CEP128: variants seen among roughly 807,000 people sequenced by gnomAD.
CEP128 encodes the protein centrosomal protein 128kDa.
In CEP128, 132 loss-of-function variants were observed where a neutral mutation model predicts 156.7. That is an observed-to-expected ratio of 0.84 (90% CI 0.73 to 0.97). The LOEUF (loss-of-function observed/expected upper bound fraction) is 0.97, where lower values mean the gene tolerates loss of function less well. CEP128 is among the 50% of genes least tolerant of loss of function. The pLI, the probability that CEP128 is intolerant of heterozygous loss-of-function variation, is 0.00. For missense variants in CEP128, 1,252 were observed against 1,281.9 expected, an observed-to-expected ratio of 0.98 and a Z score of 0.36; for synonymous variants, 469 against 448.9, an observed-to-expected ratio of 1.04 and a Z score of -0.57.
chr14:80,955,487 A>G, intron 2 of CEP128: 1 of 664,744 alleles, frequency 1.5e-6, no homozygotes, highest in Non-Finnish European at 2.6e-6. Flanking sequence ...TGCCTAGGGA[A>G]GCGGAGCACT....
intron 6 of CEP128, among the ~76,000 whole-genome samples, chr14:80,904,273 T>C (rs1325833101): frequency 6.6e-6 from 1 of 152,088 alleles, no homozygotes; most frequent in African/African-American, 2.4e-5. Flanking sequence ...CACTTGTGTA[T>C]GAACTCTAAT....
At position 80,904,737 on chromosome 14, in the gene CEP128, T is replaced by C. The variant is rs552910178; in HGVS notation, c.480+76A>G. On this transcript the variant is annotated intron_variant, in intron 6 of 24. Coordinates refer to ENST00000555265, the MANE Select transcript of CEP128 (RefSeq NM_152446.5). Reference sequence around the variant, plus strand: ...TCTTGGTTAAAATATAGCCTTAAAGTTCAAGCATTAGTCATTTATATACAA... The same window carrying C: ...TCTTGGTTAAAATATAGCCTTAAAGCTCAAGCATTAGTCATTTATATACAA... 30 of 859,012 alleles carry C rather than the reference T, an allele frequency of 3.5e-5. No individual in the cohort carries two copies. In the African/African-American group the frequency reaches 4.6e-4, roughly 13 times the overall value. 53.2% of individuals were successfully genotyped at this position (859,012 alleles called of 1,614,324 possible).
At chr14:80,535,587 A>C (rs1316862577) in intron 21 of CEP128, among the ~76,000 whole-genome samples, 1 of 151,470 alleles carries the variant, frequency 6.6e-6, no homozygotes. Context: ...ACTTGTGTGC[A>C]CACACGCGCA....
At chr14:80,826,489 A>G (rs1362804004) in intron 13 of CEP128, among the ~76,000 whole-genome samples, 1 of 152,200 alleles carries the variant, frequency 6.6e-6, no homozygotes, top group Non-Finnish European at 1.5e-5. Flanking sequence ...TAAAAGTAAT[A>G]TTAAAGCGGG....
chr14:80,597,432 A>G (rs1892377435), intron 19 of CEP128, among the ~76,000 whole-genome samples: 1 of 152,176 alleles, frequency 6.6e-6, no homozygotes, highest in Middle Eastern at 3.2e-3. Flanking sequence ...GTGTAATTTT[A>G]AAACTTGCAG....
chr14:80,722,153 C>A (rs1777399647), intron 19 of CEP128, among the ~76,000 whole-genome samples: 1 of 152,114 alleles, frequency 6.6e-6, no homozygotes, highest in South Asian at 2.1e-4. Context: ...TCCATTTTAT[C>A]CTTTGGAGCC....
At chr14:80,775,489 C>T (rs1003736109) in intron 16 of CEP128, among the ~76,000 whole-genome samples, 9 of 152,142 alleles carry the variant, frequency 5.9e-5, no homozygotes, top group African/African-American at 2.2e-4. Flanking sequence ...GCGTGTGTAT[C>T]GTTAAGATTA....
At chr14:80,750,604 C>A (rs1188677046) in intron 18 of CEP128, among the ~76,000 whole-genome samples, 2 of 152,164 alleles carry the variant, frequency 1.3e-5, no homozygotes, top group African/African-American at 4.8e-5. Flanking sequence ...CTTCACGTTG[C>A]CTTTTCTCCA....
chr14:80,628,161 G>C (rs1035352163), intron 19 of CEP128, among the ~76,000 whole-genome samples: 4 of 152,218 alleles, frequency 2.6e-5, no homozygotes, highest in Non-Finnish European at 5.9e-5. Context: ...TATTTGAATA[G>C]TAAGTAGATG....
intron 4 of CEP128, among the ~76,000 whole-genome samples, chr14:80,911,430 C>CAGT (rs1884208140): frequency 6.6e-6 from 1 of 152,150 alleles, no homozygotes; most frequent in Non-Finnish European, 1.5e-5. Context: ...TGCTTTAGCC[C>CAGT]AGTAGTTCAA....
intron 19 of CEP128, among the ~76,000 whole-genome samples, chr14:80,701,111 C>A (rs1301298760): frequency 6.6e-6 from 1 of 152,082 alleles, no homozygotes; most frequent in African/African-American, 2.4e-5. Flanking sequence ...GGCCCTTGTT[C>A]TAGACTCAGA....
chr14:80,814,395 C>G (rs1187456759), intron 13 of CEP128, among the ~76,000 whole-genome samples: 1 of 151,820 alleles, frequency 6.6e-6, no homozygotes, highest in East Asian at 1.9e-4. Context: ...TTCTGTTACA[C>G]TATTTCTCTC....
intron 8 of CEP128, among the ~76,000 whole-genome samples, chr14:80,894,371 C>A (rs777741825): frequency 1.3e-5 from 2 of 151,928 alleles, no homozygotes; most frequent in Non-Finnish European, 2.9e-5. Flanking sequence ...GTATGTAAAT[C>A]AGGCAATAGC....
At chr14:80,957,433 A>C (rs1354131822) in intron 2 of CEP128, among the ~76,000 whole-genome samples, 4 of 151,884 alleles carry the variant, frequency 2.6e-5, no homozygotes, top group Non-Finnish European at 4.4e-5. Flanking sequence ...CGAATTCCTG[A>C]AACCCTGGAA....
At chr14:80,624,887 T>G (rs1893642932) in intron 19 of CEP128, among the ~76,000 whole-genome samples, 1 of 152,216 alleles carries the variant, frequency 6.6e-6, no homozygotes, top group Non-Finnish European at 1.5e-5. Context: ...CTCTGTTGAT[T>G]ATTTCCTTTG....
At chr14:80,583,246 T>C (rs1210363337) in intron 19 of CEP128, among the ~76,000 whole-genome samples, 1 of 152,210 alleles carries the variant, frequency 6.6e-6, no homozygotes, top group African/African-American at 2.4e-5. Context: ...GAAGAATTCC[T>C]AGAATTTTAA....
intron 19 of CEP128, among the ~76,000 whole-genome samples, chr14:80,741,321 T>G (rs1898820316): frequency 6.6e-6 from 1 of 152,160 alleles, no homozygotes; most frequent in African/African-American, 2.4e-5. Context: ...TTCAACATAT[T>G]CTTATACCTA....
At chr14:80,588,183 C>A (rs1891899464) in intron 19 of CEP128, among the ~76,000 whole-genome samples, 1 of 152,036 alleles carries the variant, frequency 6.6e-6, no homozygotes. Flanking sequence ...CTAGTTTCTG[C>A]AATTCTTACA....
chr14:80,604,786 C>G (rs1276924709), intron 19 of CEP128, among the ~76,000 whole-genome samples: 2 of 152,030 alleles, frequency 1.3e-5, no homozygotes, highest in Non-Finnish European at 2.9e-5. Context: ...GTACCATGTT[C>G]AGGAGATTCT....
Sources: gnomAD v4.1 joint callset for allele counts (sites outside exome capture counted in the v4.1 genomes callset) on GRCh38, gnomAD v4.1.1 for gene constraint, MANE v1.5 for transcripts, NCBI Gene and HGNC (gene_info 2026-07-23, HGNC 2026-07-21) for gene names.